Variants in SEMA3A observed in about 807,000 individuals in gnomAD.
SEMA3A encodes the protein semaphorin-3A.
In SEMA3A, 29 loss-of-function variants were observed where a neutral mutation model predicts 97.9. The ratio of observed to expected loss-of-function variants is 0.30; its 90% CI spans 0.22 to 0.40. The LOEUF (loss-of-function observed/expected upper bound fraction) is 0.40, where lower values mean the gene tolerates loss of function less well. Ranked by LOEUF, SEMA3A falls within the 10% of genes least tolerant of loss-of-function variation. The probability of loss-of-function intolerance (pLI) is 1.00; values close to 1 mark genes in which losing one functional copy is unlikely to be tolerated. For missense variants in SEMA3A, 763 were observed against 951.3 expected (o/e 0.80, Z 2.60); for synonymous variants, 321 against 323.7 (o/e 0.99, Z 0.09).
intron 2 of SEMA3A, among the ~76,000 whole-genome samples, chr7:84,334,474 T>G (rs1350879431): frequency 1.3e-5 from 2 of 152,106 alleles, no homozygotes; most frequent in Non-Finnish European, 2.9e-5. Context: ...TTTATTAAAC[T>G]AATGGCTTGT....
chr7:84,422,373 T>A (rs1804622598), intron 1 of SEMA3A, among the ~76,000 whole-genome samples: 1 of 151,784 alleles, frequency 6.6e-6, no homozygotes, highest in East Asian at 1.9e-4. Flanking sequence ...ATTCCTTTTA[T>A]CATTTTTTAT....
At chr7:84,054,930 C>T (rs574379130) in intron 5 of SEMA3A, among the ~76,000 whole-genome samples, 5 of 152,026 alleles carry the variant, frequency 3.3e-5, no homozygotes, top group Non-Finnish European at 7.4e-5. Context: ...ACAGACAGGA[C>T]CCTCAGCTGC....
intron 1 of SEMA3A, among the ~76,000 whole-genome samples, chr7:84,136,959 A>AGC (rs879481159): frequency 7.2e-6 from 1 of 138,934 alleles, no homozygotes; most frequent in Non-Finnish European, 1.5e-5. Context: ...GGAGGGAGGG[A>AGC]AGAAGGAAGG....
chr7:84,086,303 G>A (rs1399065123), intron 4 of SEMA3A, among the ~76,000 whole-genome samples: 1 of 151,510 alleles, frequency 6.6e-6, no homozygotes, highest in African/African-American at 2.4e-5. Flanking sequence ...TAGCATACCT[G>A]GCTTTGAGTC....
intron 2 of SEMA3A, among the ~76,000 whole-genome samples, chr7:84,312,919 TATACAC>T (rs1238842924): frequency 0.016 from 491 of 30,876 alleles, no homozygotes; most frequent in Middle Eastern, 0.026. Context: ...TATATATATA[TATACAC>T]ACACACACAC....
chr7:84,480,537 G>A (rs1443105329), intron 1 of SEMA3A, among the ~76,000 whole-genome samples: 1 of 152,142 alleles, frequency 6.6e-6, no homozygotes, highest in African/African-American at 2.4e-5. Flanking sequence ...TCTTCTGACA[G>A]CCAGAATGCT....
Position 84,367,649 on chromosome 7 carries a change from G to C in SEMA3A, c.-169+4175C>G, listed in dbSNP as rs1362265956. Among the ~76,000 whole-genome samples, 4 of 150,554 alleles carry C rather than the reference G, an allele frequency of 2.7e-5. No individual in the cohort carries two copies. The East Asian group carries it at 7.8e-4, about 29-fold the overall frequency. Reference sequence around the variant, plus strand: ...CTAAGATTTTGATAGGACTTGCAGAGAGAAAACATTTCAGACAGGAATAAT... The same window carrying C: ...CTAAGATTTTGATAGGACTTGCAGACAGAAAACATTTCAGACAGGAATAAT... On this transcript the variant is annotated intron_variant, in intron 2 of 3. Coordinates refer to the SEMA3A transcript ENST00000424555.
chr7:84,396,196 ATATAAT>A (rs1803726992), intron 1 of SEMA3A, among the ~76,000 whole-genome samples: 1 of 152,056 alleles, frequency 6.6e-6, no homozygotes, highest in Admixed American at 6.6e-5. Context: ...GAATTTTGAG[ATATAAT>A]TATGAATTAT....
intron 1 of SEMA3A, among the ~76,000 whole-genome samples, chr7:84,181,319 A>AATATAT (rs56661080): frequency 1.1e-3 from 152 of 144,752 alleles, no homozygotes; most frequent in East Asian, 3.6e-3. Context: ...TAATGTTACA[A>AATATAT]ATATATATAT....
chr7:84,207,411 A>C (rs1364169406), intron 3 of SEMA3A, among the ~76,000 whole-genome samples: 1 of 152,216 alleles, frequency 6.6e-6, no homozygotes, highest in Non-Finnish European at 1.5e-5. Flanking sequence ...TCCTGATTCA[A>C]ATGATTCTAT....
chr7:84,463,845 A>T (rs1033808533), intron 1 of SEMA3A, among the ~76,000 whole-genome samples: 12 of 152,082 alleles, frequency 7.9e-5, no homozygotes, highest in South Asian at 2.1e-4. Context: ...CTTTATTCCT[A>T]ACATATATTA....
At chr7:84,289,507 A>C (rs991636450) in intron 3 of SEMA3A, among the ~76,000 whole-genome samples, 1 of 151,956 alleles carries the variant, frequency 6.6e-6, no homozygotes, top group African/African-American at 2.4e-5. Context: ...ATTATCAATA[A>C]AAAATTAAAA....
At position 84,037,908 on chromosome 7, in the gene SEMA3A, T is replaced by C. The variant is rs898958668; in HGVS notation, c.667+8416A>G. ...CTCTTGTCTAATTTCTTTAGTCATG[T>C]AGTAACCCATATATTTCTACCTTGA... On this transcript the variant is annotated intron_variant, in intron 6 of 16. Transcript: ENST00000265362. Among the ~76,000 whole-genome samples, 49 of 152,224 alleles carry C rather than the reference T, an allele frequency of 3.2e-4. 1 individual carries two copies. The highest frequency in any genetic ancestry group is 1.1e-3 in the African/African-American group (47 of 41,528).
intron 1 of SEMA3A, among the ~76,000 whole-genome samples, chr7:84,473,675 C>G (rs1319560851): frequency 6.6e-6 from 1 of 152,070 alleles, no homozygotes; most frequent in South Asian, 2.1e-4. Flanking sequence ...AGGCATGAGC[C>G]ACTGCTCCTG....
chr7:84,425,088 AT>A (rs1178330300), intron 1 of SEMA3A, among the ~76,000 whole-genome samples: 19 of 107,354 alleles, frequency 1.8e-4, no homozygotes, highest in Non-Finnish European at 2.0e-4. Flanking sequence ...TTATATTTAT[AT>A]TTTTATATAA....
chr7:84,078,125 T>C (rs1022025116), intron 4 of SEMA3A, among the ~76,000 whole-genome samples: 11 of 152,186 alleles, frequency 7.2e-5, no homozygotes, highest in African/African-American at 2.6e-4. Flanking sequence ...ATTTTATAAA[T>C]GTTTTTCTCT....
chr7:84,308,900 C>T (rs55963851), intron 2 of SEMA3A, among the ~76,000 whole-genome samples: 1 of 151,074 alleles, frequency 6.6e-6, no homozygotes, highest in African/African-American at 2.4e-5. Flanking sequence ...TCACTGCAAT[C>T]TCCGCCTCCC....
intron 3 of SEMA3A, among the ~76,000 whole-genome samples, chr7:84,237,945 G>C (rs1362696044): frequency 6.6e-6 from 1 of 152,118 alleles, no homozygotes; most frequent in East Asian, 1.9e-4. Flanking sequence ...AAAGAAGACA[G>C]TACTATCATA....
chr7:84,133,816 C>G (rs1178576778), intron 2 of SEMA3A, among the ~76,000 whole-genome samples: 1 of 147,782 alleles, frequency 6.8e-6, no homozygotes, highest in Admixed American at 6.9e-5. Flanking sequence ...TTTGAGAGGC[C>G]AAGGCGGGCG....
Sources: allele counts gnomAD v4.1 joint callset (sites outside exome capture counted in the v4.1 genomes callset), GRCh38; gene constraint gnomAD v4.1.1; transcripts MANE v1.5; gene names NCBI Gene and HGNC (gene_info 2026-07-23, HGNC 2026-07-21).